PCDHGA2: variants seen among roughly 807,000 people sequenced by gnomAD.
The protein encoded by PCDHGA2 is protocadherin gamma-A2.
In PCDHGA2, 40 loss-of-function variants were observed where a neutral mutation model predicts 59.2. The ratio of observed to expected loss-of-function variants is 0.68; its 90% confidence interval spans 0.52 to 0.88. The LOEUF (loss-of-function observed/expected upper bound fraction) is 0.88, where lower values mean the gene tolerates loss of function less well. Among genes scored for constraint, PCDHGA2 ranks in the 40% least tolerant of loss-of-function variants. The pLI is 0.00. For synonymous variants in PCDHGA2, 560 were observed against 526.0 expected, an observed-to-expected ratio of 1.06 and a Z score of -0.89; for missense variants, 1,226 against 1,204.0, an observed-to-expected ratio of 1.02 and a Z score of -0.27.
At chr5:141,453,175 A>G (rs928062909) in intron 1 of PCDHGA2, among the ~76,000 whole-genome samples, 2 of 152,088 alleles carry the variant, frequency 1.3e-5, no homozygotes, top group African/African-American at 4.8e-5. Context: ...GTCCAGTGGT[A>G]CAATCACAGC....
intron 1 of PCDHGA2, chr5:141,393,872 T>G (rs774307056): frequency 1.2e-6 from 2 of 1,613,898 alleles, no homozygotes; most frequent in Admixed American, 3.3e-5. Flanking sequence ...CGTCTTTGTT[T>G]AGCCCAGTGT....
intron 1 of PCDHGA2, among the ~76,000 whole-genome samples, chr5:141,473,757 T>C (rs993403397): frequency 6.6e-6 from 1 of 152,240 alleles, no homozygotes; most frequent in Non-Finnish European, 1.5e-5. Context: ...TTGGATACTA[T>C]GCAAAGGATT....
chr5:141,387,301 AT>A (rs888289074), intron 1 of PCDHGA2, among the ~76,000 whole-genome samples: 1 of 152,242 alleles, frequency 6.6e-6, no homozygotes, highest in African/African-American at 2.4e-5. Flanking sequence ...TGTATCCAGT[AT>A]ATTTCTAATG....
At position 141,487,270 on chromosome 5, in the gene PCDHGA2, A is replaced by T. The variant is rs777469322; in HGVS notation, c.2425-7537A>T. 6.2e-7 allele frequency: 1 copy of T among 1,614,046 alleles called. No homozygotes were observed. Among genetic ancestry groups the T allele is most frequent in the South Asian group, 1.1e-5 (1 of 91,076 alleles). On this transcript the variant is annotated intron_variant, in intron 1 of 3. Transcript: ENST00000394576. The surrounding 1 kb of genome is among the most constrained non-coding windows in gnomAD (Gnocchi z 5.0). ...TCTACTTGGCTGTGTCCCTAGTGGC[A>T]ATTTGCTTTGTCTCCTTTGGCTCAT... is the stretch of plus-strand genomic sequence containing the variant.
At chr5:141,419,781 G>A in intron 1 of PCDHGA2, 1 of 1,614,032 alleles carries the variant, frequency 6.2e-7, no homozygotes, top group Non-Finnish European at 8.5e-7. Flanking sequence ...GTCCGCCAGC[G>A]CCTGCTAGTC....
At chr5:141,449,566 G>A (rs1235137244) in intron 1 of PCDHGA2, among the ~76,000 whole-genome samples, 4 of 147,126 alleles carry the variant, frequency 2.7e-5, no homozygotes, top group East Asian at 4.0e-4. Context: ...TCCAGCCTGG[G>A]CGACAGAGCA....
chr5:141,371,675 A>T (rs1373502908), intron 1 of PCDHGA2: 3 of 1,614,002 alleles, frequency 1.9e-6, no homozygotes, highest in South Asian at 2.2e-5. Context: ...CTACCGACAA[A>T]GGCAATCCAC....
chr5:141,342,522 C>G (rs1485599659), intron 1 of PCDHGA2: 1 of 152,132 alleles, frequency 6.6e-6, no homozygotes, highest in African/African-American at 2.4e-5. Flanking sequence ...TGCTGTGATT[C>G]TTTCCGTTGC....
chr5:141,429,651 C>G (rs62379161), intron 1 of PCDHGA2, among the ~76,000 whole-genome samples: 5,146 of 152,188 alleles, frequency 0.034, 101 homozygotes, highest in Middle Eastern at 0.088. Context: ...TATTTCTTCC[C>G]AATTTAAAAT....
At chr5:141,494,729 C>A in intron 1 of PCDHGA2, 78 bp from the exon 2 acceptor site, 1 of 1,610,166 alleles carries the variant, frequency 6.2e-7, no homozygotes. Context: ...CCTTCTCTCC[C>A]GGCCCATCCC....
chr5:141,346,016 C>G (rs1561491420), intron 1 of PCDHGA2: 4 of 1,613,310 alleles, frequency 2.5e-6, no homozygotes, highest in Non-Finnish European at 3.4e-6. Context: ...TCACGCTCAC[C>G]GTGGCCGTGG....
rs1313971451 is a variant in PCDHGA2 at position 141,367,488 on chromosome 5, G to T, written c.2424+26093G>T. On this transcript the variant is annotated intron_variant, in intron 1 of 3. Transcript: ENST00000394576. ...GGAGGAGGAGCTTGCAGTAAGCCGAGATCGCGCCACTGCACTCCAGCCTGG... is the reference window on the plus strand; with the variant it reads ...GGAGGAGGAGCTTGCAGTAAGCCGATATCGCGCCACTGCACTCCAGCCTGG... 2.0e-5 allele frequency: 3 copies of T among 152,134 alleles called. No individual in the cohort carries two copies. In the East Asian group the frequency reaches 5.8e-4, roughly 29 times the overall value. The allele number at this position is 152,134 out of a possible 1,614,324, so 9.4% of individuals were successfully genotyped here.
chr5:141,384,598 C>T lies in PCDHGA2; in HGVS notation c.2424+43203C>T, dbSNP rs1451402043. On this transcript the variant is annotated intron_variant, in intron 1 of 3. Transcript: ENST00000394576. ...CCCGCCCGAGATCCTGTACCCGGCCCTCCCCACAGATGGTTCTACTGGCAT... is the reference window on the plus strand; with the variant it reads ...CCCGCCCGAGATCCTGTACCCGGCCTTCCCCACAGATGGTTCTACTGGCAT... 2.5e-6 allele frequency: 4 copies of T among 1,614,138 alleles called. No individual in the cohort carries two copies. The African/African-American group carries it at 5.3e-5, about 22-fold the overall frequency.
chr5:141,409,927 C>T, intron 1 of PCDHGA2: 5 of 1,613,342 alleles, frequency 3.1e-6, no homozygotes, highest in Middle Eastern at 1.6e-4. Flanking sequence ...CCGCGTTCTT[C>T]GATATGGTAC....
intron 1 of PCDHGA2, among the ~76,000 whole-genome samples, chr5:141,484,202 T>C (rs2099593138): frequency 6.6e-6 from 1 of 152,214 alleles, no homozygotes; most frequent in Non-Finnish European, 1.5e-5. Context: ...ATTAAATCTA[T>C]GAACATTAGC....
chr5:141,341,191 T>C lies in PCDHGA2; in HGVS notation c.2220T>C (p.Phe740=). The C allele has an allele frequency of 6.2e-7, 1 of 1,614,226 alleles. No individual in the cohort carries two copies. The highest frequency in any genetic ancestry group is 8.5e-7 in the Non-Finnish European group (1 of 1,180,046). Residue 740 remains phenylalanine (F), a synonymous_variant, in exon 1 of 4, where the codon TTT becomes TTC. Coordinates refer to ENST00000394576, the MANE Select transcript of PCDHGA2 (RefSeq NM_018915.4). ...GSLTGMQSSH[F]VGVDGVRAFL... ...TGACAGGCATGCAGAGCTCGCACTTTGTGGGCGTGGACGGGGTTCGGGCTT... is the reference window on the plus strand; with the variant it reads ...TGACAGGCATGCAGAGCTCGCACTTCGTGGGCGTGGACGGGGTTCGGGCTT...
Position 141,490,369 on chromosome 5 carries a change from C to T in PCDHGA2, c.2425-4438C>T, listed in dbSNP as rs201347968. On this transcript the variant is annotated intron_variant, in intron 1 of 3. Transcript: ENST00000394576. This position sits in a 1 kb window ranked among gnomAD's most constrained non-coding sequence, Gnocchi z 5.4. ...AGTGGGGTTGTTTAATGTGCGAGAC[C>T]GGGACTCAGGTAGAAATGGTGAAGT... The T allele has an allele frequency of 4.0e-5, 64 of 1,614,090 alleles. No individual in the cohort carries two copies. In the Admixed American group the frequency reaches 6.0e-4, roughly 15 times the overall value.
chr5:141,431,393 C>T lies in PCDHGA2; in HGVS notation c.2425-63414C>T, dbSNP rs1485575362. 5 of 1,613,884 alleles carry T rather than the reference C, an allele frequency of 3.1e-6. No individual in the cohort carries two copies. Among genetic ancestry groups the T allele is most frequent in the Non-Finnish European group, 4.2e-6 (5 of 1,180,048 alleles). On this transcript the variant is annotated intron_variant, in intron 1 of 3. Coordinates refer to ENST00000394576, the MANE Select transcript of PCDHGA2 (RefSeq NM_018915.4). The surrounding 1 kb of genome is among the most constrained non-coding windows in gnomAD (Gnocchi z 4.8). ...AGAAAAGGCTGCTCACCACCTGGTC[C>T]TTACGGCCTCCGACGGGGGCGACCC...
intron 1 of PCDHGA2, among the ~76,000 whole-genome samples, chr5:141,420,793 T>C (rs1400287885): frequency 6.6e-6 from 1 of 152,268 alleles, no homozygotes; most frequent in Non-Finnish European, 1.5e-5. Flanking sequence ...TGAAAACTTT[T>C]TAAAAATTAA....
Sources: gnomAD v4.1 joint callset for allele counts (sites outside exome capture counted in the v4.1 genomes callset) on GRCh38, gnomAD v4.1.1 for gene constraint, Gnocchi (gnomAD v3.1) non-coding constraint, MANE v1.5 for transcripts, NCBI Gene and HGNC (gene_info 2026-07-23, HGNC 2026-07-21) for gene names.